Variants in DCDC1 observed in about 807,000 individuals in gnomAD.
The protein encoded by DCDC1 is doublecortin domain-containing protein 1.
DCDC1 carries 200 observed loss-of-function variants against 178.3 expected under a neutral mutation model. The ratio of observed to expected loss-of-function variants is 1.12; its 90% CI spans 1.00 to 1.26. DCDC1 has a LOEUF of 1.26. Among genes scored for constraint, DCDC1 ranks in the 50% most tolerant of loss-of-function variants. The probability of loss-of-function intolerance (pLI) is 0.00; values close to 1 mark genes in which losing one functional copy is unlikely to be tolerated. For missense variants in DCDC1, 1,983 were observed against 1,749.2 expected (o/e 1.13, Z -2.38); for synonymous variants, 690 against 604.8 (o/e 1.14, Z -2.07).
intron 17 of DCDC1, among the ~76,000 whole-genome samples, chr11:31,089,660 A>C (rs1377582199): frequency 7.2e-6 from 1 of 138,912 alleles, no homozygotes; most frequent in Admixed American, 7.4e-5. Context: ...TTTCCTTGTG[A>C]ATAGTTTTGT....
chr11:31,316,364 A>G (rs1471091841), intron 3 of DCDC1, among the ~76,000 whole-genome samples: 2 of 126,228 alleles, frequency 1.6e-5, no homozygotes, highest in Non-Finnish European at 1.6e-5. Flanking sequence ...GTGTGAAATG[A>G]TATCTCATAG....
intron 1 of DCDC1, among the ~76,000 whole-genome samples, chr11:31,365,644 C>T (rs1308172183): frequency 6.6e-6 from 1 of 152,004 alleles, no homozygotes; most frequent in Non-Finnish European, 1.5e-5. Context: ...CAGGCGTGTA[C>T]CAAAGTGATA....
intron 1 of DCDC1, among the ~76,000 whole-genome samples, chr11:31,359,424 G>T (rs1951583484): frequency 7.1e-6 from 1 of 140,208 alleles, no homozygotes; most frequent in Non-Finnish European, 1.5e-5. Context: ...TCACCCTCTG[G>T]GGACTGTTGT....
intron 9 of DCDC1, among the ~76,000 whole-genome samples, chr11:31,215,592 A>C (rs577360154): frequency 1.3e-5 from 2 of 152,212 alleles, no homozygotes; most frequent in African/African-American, 4.8e-5. Context: ...CAGGAGATTG[A>C]GACCATCCTG....
chr11:31,249,031 T>C (rs1943775946), intron 8 of DCDC1, among the ~76,000 whole-genome samples: 1 of 152,110 alleles, frequency 6.6e-6, no homozygotes, highest in Non-Finnish European at 1.5e-5. Context: ...AATAGGATTT[T>C]TGGCTTTAGA....
At chr11:30,934,362 A>C (rs963947847) in intron 21 of DCDC1, among the ~76,000 whole-genome samples, 1 of 152,176 alleles carries the variant, frequency 6.6e-6, no homozygotes, top group African/African-American at 2.4e-5. Flanking sequence ...ATTAGACTAA[A>C]GCACAAGTTC....
At chr11:31,072,109 T>TCA (rs1299423194) in intron 18 of DCDC1, among the ~76,000 whole-genome samples, 3 of 152,226 alleles carry the variant, frequency 2.0e-5, no homozygotes, top group African/African-American at 7.2e-5. Context: ...TTTATCTTTA[T>TCA]CAGCATTGTA....
At chr11:31,355,411 C>A (rs1951288293) in intron 1 of DCDC1, among the ~76,000 whole-genome samples, 1 of 152,132 alleles carries the variant, frequency 6.6e-6, no homozygotes, top group African/African-American at 2.4e-5. Flanking sequence ...TTGAACTCAG[C>A]TACCTACGAA....
At chr11:31,035,578 C>T (rs1430885407) in intron 20 of DCDC1, among the ~76,000 whole-genome samples, 3 of 152,218 alleles carry the variant, frequency 2.0e-5, no homozygotes, top group Non-Finnish European at 2.9e-5. Flanking sequence ...CTCATCCCAT[C>T]GTCTCAGAAG....
intron 17 of DCDC1, among the ~76,000 whole-genome samples, chr11:31,083,782 T>C (rs984488203): frequency 6.6e-6 from 1 of 152,208 alleles, no homozygotes; most frequent in Non-Finnish European, 1.5e-5. Context: ...ACCTTTATAA[T>C]CTAATCTTCC....
At chr11:31,214,177 T>C (rs1174615619) in intron 9 of DCDC1, among the ~76,000 whole-genome samples, 1 of 152,220 alleles carries the variant, frequency 6.6e-6, no homozygotes, top group Non-Finnish European at 1.5e-5. Flanking sequence ...CTTTCTGTTG[T>C]ACTGTTGCAA....
intron 18 of DCDC1, 76 bp from the exon 19 acceptor site, chr11:31,065,229 A>T: frequency 3.4e-6 from 2 of 585,076 alleles, no homozygotes; most frequent in South Asian, 2.5e-5. Context: ...CTGGAAAGAG[A>T]GGAGGATAAA....
At chr11:31,203,197 A>T (rs1253692456) in intron 9 of DCDC1, among the ~76,000 whole-genome samples, 3 of 152,252 alleles carry the variant, frequency 2.0e-5, no homozygotes, top group African/African-American at 7.2e-5. Flanking sequence ...AATCTAGATG[A>T]AATAAACATT....
chr11:30,905,791 C>T (rs535603250), intron 30 of DCDC1, among the ~76,000 whole-genome samples: 12 of 152,344 alleles, frequency 7.9e-5, no homozygotes, highest in African/African-American at 2.9e-4. Context: ...AGAGGACTGA[C>T]TTCCTTTCTC....
At chr11:31,190,446 C>T (rs897547189) in intron 9 of DCDC1, among the ~76,000 whole-genome samples, 4 of 152,152 alleles carry the variant, frequency 2.6e-5, no homozygotes, top group South Asian at 2.1e-4. Flanking sequence ...AGTATCAATA[C>T]ACAGAATAAT....
chr11:31,263,129 CTAAA>C, intron 8 of DCDC1: 1 of 1,571,098 alleles, frequency 6.4e-7, no homozygotes, highest in Non-Finnish European at 8.7e-7. Flanking sequence ...AATAAACTTT[CTAAA>C]TATAAATCTT....
At position 31,037,915 on chromosome 11, in the gene DCDC1, T is replaced by C. The variant is rs1048363885; in HGVS notation, c.2591+26554A>G. On this transcript the variant is annotated intron_variant, in intron 20 of 38. Coordinates refer to ENST00000684477, the MANE Select transcript of DCDC1 (RefSeq NM_001387274.1). ...TTTTTAGAAAAACAGAGAGCAGAAG[T>C]AGAAATTTGGTTCAGTTAATGAATT... is the stretch of plus-strand genomic sequence containing the variant. 2.0e-5 allele frequency among the ~76,000 whole-genome samples: 3 copies of C among 151,950 alleles called. No individual in the cohort carries two copies. In the South Asian group the frequency reaches 6.2e-4, roughly 32 times the overall value.
chr11:31,322,483 T>G (rs202068006), intron 3 of DCDC1, among the ~76,000 whole-genome samples: 1 of 152,186 alleles, frequency 6.6e-6, no homozygotes, highest in East Asian at 1.9e-4. Flanking sequence ...GATGGTAATT[T>G]CATTTCCCTT....
chr11:31,287,575 G>C (rs1946926594), intron 7 of DCDC1, among the ~76,000 whole-genome samples: 1 of 151,860 alleles, frequency 6.6e-6, no homozygotes, highest in Non-Finnish European at 1.5e-5. Context: ...TTCATCCTTT[G>C]TGTCACCTAC....
Sources: gnomAD v4.1 joint callset for allele counts (sites outside exome capture counted in the v4.1 genomes callset) on GRCh38, gnomAD v4.1.1 for gene constraint, MANE v1.5 for transcripts, NCBI Gene and HGNC (gene_info 2026-07-23, HGNC 2026-07-21) for gene names.